Variants in NLRP1 observed in about 807,000 individuals in gnomAD.
The protein encoded by NLRP1 is NLR family pyrin domain containing 1.
NLRP1 carries 94 observed loss-of-function variants against 136.7 expected under a neutral mutation model. The ratio of observed to expected loss-of-function variants is 0.69; its 90% CI spans 0.58 to 0.82. The LOEUF is 0.82. Ranked by LOEUF, NLRP1 falls within the 40% of genes least tolerant of loss-of-function variation. The pLI is 0.00. For synonymous variants in NLRP1, 690 were observed against 725.1 expected (o/e 0.95, Z 0.78); for missense variants, 1,575 against 1,802.7 (o/e 0.87, Z 2.29).
Position 5,514,896 on chromosome 17 carries a change from C to T in NLRP1, c.4280G>A (p.Arg1427Gln), listed in dbSNP as rs184023870. The T allele has an allele frequency of 2.0e-5, 32 of 1,614,152 alleles. No homozygotes were observed. Among genetic ancestry groups the T allele is most frequent in the Admixed American group, 1.0e-4 (6 of 60,026 alleles). ...LAENTRPSQM[R>Q]KLFSLSQSWD... is the part of the protein sequence containing the mutation. ...GGACTGGCTCAAGCTGAACAGCTTC[C>T]GCATCTGGCTGGGCCTCGTGTTCTC... The change falls in exon 17 of 17, where the codon CGG (arginine) becomes CAG (glutamine). Residue 1427 changes from arginine to glutamine, a missense_variant. Transcript: ENST00000572272.
chr17:5,561,062 A>C (rs1914682765), intron 3 of NLRP1, among the ~76,000 whole-genome samples: 1 of 151,874 alleles, frequency 6.6e-6, no homozygotes, highest in African/African-American at 2.4e-5. Context: ...ATTTTATTTT[A>C]TTTATTTTTT....
At chr17:5,542,067 C>G (rs1286123285) in intron 5 of NLRP1, 40 bp from the exon 6 acceptor site, 37 of 1,587,852 alleles carry the variant, frequency 2.3e-5, no homozygotes, top group Non-Finnish European at 3.1e-5. Flanking sequence ...GGTTACTCAC[C>G]TGTTGATTCA....
chr17:5,556,970 C>T (rs150672845), intron 4 of NLRP1, among the ~76,000 whole-genome samples: 1,836 of 152,070 alleles, frequency 0.012, 17 homozygotes, highest in Non-Finnish European at 0.021. Flanking sequence ...CTTATTGATA[C>T]TATTTTTCAT....
intron 14 of NLRP1, among the ~76,000 whole-genome samples, chr17:5,520,077 G>C (rs1017707468): frequency 6.6e-6 from 1 of 150,656 alleles, no homozygotes; most frequent in African/African-American, 2.4e-5. Flanking sequence ...GGCTGGTCTC[G>C]AACTCCTGAC....
chr17:5,544,401 C>A (rs1381071734), intron 5 of NLRP1, among the ~76,000 whole-genome samples: 1 of 152,238 alleles, frequency 6.6e-6, no homozygotes, highest in Non-Finnish European at 1.5e-5. Flanking sequence ...GGTCTCCCAT[C>A]TGCTTTAGGC....
In NLRP1 at chr17:5,521,624, A is replaced by G. The variant is rs758233707; in HGVS notation, c.3683T>C (p.Phe1228Ser). The change falls in exon 13 of 17, where the codon TTC (phenylalanine) becomes TCC (serine). Residue 1228 changes from phenylalanine (F) to serine (S), a missense_variant. By Grantham distance (155) the Phe-to-Ser change is radical (BLOSUM62 -2). Coordinates refer to ENST00000572272, the MANE Select transcript of NLRP1 (RefSeq NM_033004.4). ...CAACACCACAGAGGTGACGGGAATGAAGCGCAGGGCATTATGGATCATTTT... is the reference window on the plus strand; with the variant it reads ...CAACACCACAGAGGTGACGGGAATGGAGCGCAGGGCATTATGGATCATTTT... ...LLKMIHNALR[F>S]IPVTSVVLLY... The G allele has an allele frequency of 6.2e-7, 1 of 1,614,126 alleles. No homozygotes were observed.
chr17:5,540,246 C>T (rs937224752), intron 6 of NLRP1, among the ~76,000 whole-genome samples: 4 of 152,146 alleles, frequency 2.6e-5, no homozygotes, highest in Non-Finnish European at 5.9e-5. Context: ...TGACTTTGTA[C>T]GTACGGATGT....
At chr17:5,554,681 G>A (rs1913815421) in intron 4 of NLRP1, among the ~76,000 whole-genome samples, 1 of 152,114 alleles carries the variant, frequency 6.6e-6, no homozygotes, top group Admixed American at 6.6e-5. Context: ...AAGTCCTAGA[G>A]CAGTTTTAAG....
chr17:5,555,556 C>T (rs898905940), intron 4 of NLRP1, among the ~76,000 whole-genome samples: 11 of 152,198 alleles, frequency 7.2e-5, no homozygotes, highest in African/African-American at 2.6e-4. Flanking sequence ...CCCCATCCCC[C>T]GGCCAGCCAC....
chr17:5,558,485 A>C lies in NLRP1; in HGVS notation c.2211T>G (p.His737Gln). The part of the protein sequence containing the change: ...NKTFLTQVMA[H>Q]FEEMGMCVET... ...CTACACACATGCCCATTTCTTCGAAATGGGCCATCACTTGTGTCAGGAACG... is the reference window on the plus strand; with the variant it reads ...CTACACACATGCCCATTTCTTCGAACTGGGCCATCACTTGTGTCAGGAACG... The change falls in exon 4 of 17, where the codon CAT (histidine) becomes CAG (glutamine). Residue 737 changes from histidine (H) to glutamine (Q), a missense_variant. By Grantham distance (24) the His-to-Gln change is conservative (BLOSUM62 0). Coordinates refer to ENST00000572272, the MANE Select transcript of NLRP1 (RefSeq NM_033004.4). 6.2e-7 allele frequency: 1 copy of C among 1,614,070 alleles called. No individual in the cohort carries two copies. Among genetic ancestry groups the C allele is most frequent in the East Asian group, 2.2e-5 (1 of 44,838 alleles).
chr17:5,511,770 TCTCTTTC>T (rs1189235596), downstream of NLRP1, among the ~76,000 whole-genome samples: 6 of 145,242 alleles, frequency 4.1e-5, no homozygotes, highest in Non-Finnish European at 8.9e-5. Context: ...TCTTTCTCTT[TCTCTTTC>T]TTCTTTCTTT....
At chr17:5,531,832 T>C (rs1453718120) in intron 11 of NLRP1, among the ~76,000 whole-genome samples, 1 of 152,224 alleles carries the variant, frequency 6.6e-6, no homozygotes, top group Non-Finnish European at 1.5e-5. Flanking sequence ...AGTACAGTCC[T>C]TAGCTCATTA....
intron 5 of NLRP1, among the ~76,000 whole-genome samples, chr17:5,548,522 A>G (rs147663114): frequency 1.3e-5 from 2 of 152,292 alleles, no homozygotes; most frequent in Non-Finnish European, 2.9e-5. Flanking sequence ...GGACAGACAC[A>G]CACATTTACT....
chr17:5,548,424 ACTC>A (rs1402676828), intron 5 of NLRP1, among the ~76,000 whole-genome samples: 1 of 151,388 alleles, frequency 6.6e-6, no homozygotes, highest in Non-Finnish European at 1.5e-5. Context: ...GCCATCAATG[ACTC>A]CTTCTCCTTC....
downstream of NLRP1, among the ~76,000 whole-genome samples, chr17:5,510,673 A>G (rs1411304313): frequency 6.6e-6 from 1 of 151,524 alleles, no homozygotes; most frequent in Non-Finnish European, 1.5e-5. Context: ...GGCCAAAAAA[A>G]TGAAAAAAAA....
downstream of NLRP1, among the ~76,000 whole-genome samples, chr17:5,510,929 T>C (rs1349659353): frequency 6.6e-6 from 1 of 152,188 alleles, no homozygotes; most frequent in African/African-American, 2.4e-5. Flanking sequence ...AGATTTACTG[T>C]CTGCCTAGTG....
chr17:5,508,332 G>A (rs771906055), intron 15 of NLRP1, among the ~76,000 whole-genome samples: 1 of 152,294 alleles, frequency 6.6e-6, no homozygotes, highest in Non-Finnish European at 1.5e-5. Context: ...AATTTGTTTT[G>A]TAGAGACAGA....
In NLRP1 at chr17:5,559,571, G is replaced by T; in HGVS notation, c.1125C>A (p.Ser375=). The T allele has an allele frequency of 6.2e-7, 1 of 1,614,196 alleles. No individual in the cohort carries two copies. The highest frequency in any genetic ancestry group is 8.5e-7 in the Non-Finnish European group (1 of 1,180,032). The change falls in exon 4 of 17, where the codon TCC becomes TCA. Residue 375 remains serine (S), a synonymous_variant. Transcript: ENST00000572272. ...TGAGCTCAGCGAGACTCACCACCTT[G>T]GACTGGGCCAGCTCTCTGCAGCTGA... ...FYFSCRELAQ[S]KVVSLAELIG...
intron 12 of NLRP1, among the ~76,000 whole-genome samples, chr17:5,528,505 C>T (rs888755224): frequency 6.6e-6 from 1 of 152,174 alleles, no homozygotes; most frequent in African/African-American, 2.4e-5. Context: ...GACTCTATTT[C>T]CCTGCCCCAT....
Sources: gnomAD v4.1 joint callset for allele counts (sites outside exome capture counted in the v4.1 genomes callset) on GRCh38, gnomAD v4.1.1 for gene constraint, MANE v1.5 for transcripts, NCBI Gene and HGNC (gene_info 2026-07-23, HGNC 2026-07-21) for gene names.